FAM81B: variants seen among roughly 807,000 people sequenced by gnomAD.
The protein encoded by FAM81B is family with sequence similarity 81 member B.
In FAM81B, 60 loss-of-function variants were observed where a neutral mutation model predicts 58.7. The ratio of observed to expected loss-of-function variants is 1.02; its 90% CI spans 0.83 to 1.27. FAM81B has a LOEUF of 1.27. Among genes scored for constraint, FAM81B ranks in the 50% most tolerant of loss-of-function variants. FAM81B has a pLI of 0.00. For synonymous variants in FAM81B, 189 were observed against 179.6 expected, an observed-to-expected ratio of 1.05 and a Z score of -0.42; for missense variants, 491 against 522.0, an observed-to-expected ratio of 0.94 and a Z score of 0.58.
At chr5:95,406,818 T>A (rs1582791203) in intron 3 of FAM81B, among the ~76,000 whole-genome samples, 2 of 152,322 alleles carry the variant, frequency 1.3e-5, no homozygotes, top group South Asian at 4.1e-4. Context: ...GGATTTTTTT[T>A]AACCTCTGAA....
At chr5:95,449,903 G>A (rs976786484) in intron 9 of FAM81B, among the ~76,000 whole-genome samples, 1 of 152,136 alleles carries the variant, frequency 6.6e-6, no homozygotes, top group African/African-American at 2.4e-5. Context: ...CAATATATTT[G>A]AGGAGGAGAA....
At chr5:95,400,397 C>T (rs1290019042) in intron 3 of FAM81B, among the ~76,000 whole-genome samples, 2 of 145,140 alleles carry the variant, frequency 1.4e-5, no homozygotes, top group Non-Finnish European at 3.0e-5. Flanking sequence ...CCTACAGCCA[C>T]CTTCACATAC....
At chr5:95,436,453 A>T (rs996220397) in intron 6 of FAM81B, among the ~76,000 whole-genome samples, 1 of 152,222 alleles carries the variant, frequency 6.6e-6, no homozygotes, top group Non-Finnish European at 1.5e-5. Flanking sequence ...AACGGGAGAC[A>T]ATAGAGAAGT....
Position 95,448,275 on chromosome 5 carries a change from T to A in FAM81B, c.1036T>A (p.Ser346Thr). 1.2e-6 allele frequency: 2 copies of A among 1,600,042 alleles called. No individual in the cohort carries two copies. Among genetic ancestry groups the A allele is most frequent in the Non-Finnish European group, 1.7e-6 (2 of 1,176,352 alleles). The change falls in exon 9 of 10, where the codon TCT (serine) becomes ACT (threonine). Residue 346 changes from serine (S) to threonine (T), a missense_variant. Physicochemically the swap from Ser to Thr is moderately conservative, Grantham distance 58. Transcript: ENST00000283357. ...LKVLQEKLEK[S>T]ENKMEEKLLQ... ...CCCATAATCTCTTTTACAGGAAAAG[T>A]CTGAAAATAAAATGGAAGAAAAACT...
At chr5:95,398,464 C>A (rs1762021909) in intron 3 of FAM81B, among the ~76,000 whole-genome samples, 1 of 151,012 alleles carries the variant, frequency 6.6e-6, no homozygotes, top group African/African-American at 2.4e-5. Flanking sequence ...AAAACTTCAG[C>A]CTTCAACTCA....
At chr5:95,435,815 G>C (rs1376331554) in intron 6 of FAM81B, among the ~76,000 whole-genome samples, 1 of 151,946 alleles carries the variant, frequency 6.6e-6, no homozygotes, top group Non-Finnish European at 1.5e-5. Flanking sequence ...ACCTGTAATT[G>C]CCTATTATTA....
chr5:95,417,717 A>G (rs931074869), intron 4 of FAM81B, among the ~76,000 whole-genome samples: 1 of 152,064 alleles, frequency 6.6e-6, no homozygotes, highest in Non-Finnish European at 1.5e-5. Context: ...GTATTTTCCT[A>G]TTTCTATGGT....
chr5:95,443,924 T>G (rs968256776), intron 7 of FAM81B, among the ~76,000 whole-genome samples: 2 of 152,218 alleles, frequency 1.3e-5, no homozygotes, highest in Non-Finnish European at 2.9e-5. Context: ...ATGTTAATAT[T>G]GTATCAGTGA....
chr5:95,431,159 C>T (rs1465788610), intron 6 of FAM81B, among the ~76,000 whole-genome samples: 1 of 152,032 alleles, frequency 6.6e-6, no homozygotes, highest in Admixed American at 6.6e-5. Context: ...TTGACATGCA[C>T]AAATAGTTCT....
At chr5:95,444,331 C>T (rs930508924) in intron 7 of FAM81B, among the ~76,000 whole-genome samples, 11 of 151,926 alleles carry the variant, frequency 7.2e-5, no homozygotes, top group African/African-American at 1.7e-4. Context: ...AATTAGTGTG[C>T]GTCAGATGGT....
chr5:95,418,946 A>T (rs1181367322), intron 4 of FAM81B, among the ~76,000 whole-genome samples: 1 of 152,158 alleles, frequency 6.6e-6, no homozygotes, highest in Non-Finnish European at 1.5e-5. Flanking sequence ...TATGAATTGC[A>T]TATAGAGTAT....
intron 5 of FAM81B, among the ~76,000 whole-genome samples, chr5:95,425,370 T>TA (rs927991676): frequency 6.6e-6 from 1 of 152,068 alleles, no homozygotes. Context: ...GCAAGTCTCA[T>TA]AAAAAAGGAA....
rs534180994 is a variant in FAM81B at position 95,410,110 on chromosome 5, C to T, written c.294-3837C>T. On this transcript the variant is annotated intron_variant, in intron 3 of 9. Transcript: ENST00000283357. Reference sequence around the variant, plus strand: ...AGTGAGTCTTTTAGAAAGGCTATCTCGATTTAAAAAAGGACGGGTGGGGAC... The same window carrying T: ...AGTGAGTCTTTTAGAAAGGCTATCTTGATTTAAAAAAGGACGGGTGGGGAC... 3.3e-5 allele frequency among the ~76,000 whole-genome samples: 5 copies of T among 152,238 alleles called. No homozygotes were observed. In the South Asian group the frequency reaches 6.2e-4, roughly 19 times the overall value.
intron 7 of FAM81B, among the ~76,000 whole-genome samples, chr5:95,437,429 C>T (rs983049754): frequency 2.6e-5 from 4 of 152,172 alleles, no homozygotes; most frequent in Admixed American, 2.6e-4. Flanking sequence ...ACTGCAAGCT[C>T]CGTCTCCTGG....
At chr5:95,430,518 T>G (rs1282830600) in intron 6 of FAM81B, among the ~76,000 whole-genome samples, 1 of 152,000 alleles carries the variant, frequency 6.6e-6, no homozygotes, top group Non-Finnish European at 1.5e-5. Flanking sequence ...TTTTTACAAC[T>G]GCATACCCTT....
intron 1 of FAM81B, 25 bp downstream of exon 1, chr5:95,391,538 C>A: frequency 6.3e-7 from 1 of 1,581,224 alleles, no homozygotes; most frequent in South Asian, 1.2e-5. Context: ...TTCGAGGTCT[C>A]TAAATTTCTC....
At chr5:95,397,119 T>G (rs1158217207) in intron 3 of FAM81B, 2 of 152,250 alleles carry the variant, frequency 1.3e-5, no homozygotes, top group Admixed American at 6.5e-5. Context: ...TAATTTTTAC[T>G]GCATTTTTTT....
intron 3 of FAM81B, among the ~76,000 whole-genome samples, chr5:95,405,140 T>TGG (rs1762211525): frequency 6.6e-6 from 1 of 152,180 alleles, no homozygotes; most frequent in African/African-American, 2.4e-5. Flanking sequence ...AAAATAACCG[T>TGG]GGGTTTGGAG....
At chr5:95,448,491 A>C (rs1430559272) in intron 9 of FAM81B, 27 bp downstream of exon 9, 1 of 1,572,216 alleles carries the variant, frequency 6.4e-7, no homozygotes, top group East Asian at 2.3e-5. Context: ...TATTAAGTAA[A>C]GAATATCTGT....
Sources: allele counts gnomAD v4.1 joint callset (sites outside exome capture counted in the v4.1 genomes callset), GRCh38; gene constraint gnomAD v4.1.1; transcripts MANE v1.5; gene names NCBI Gene and HGNC (gene_info 2026-07-23, HGNC 2026-07-21).